Variants in NLRP5 observed in about 807,000 individuals in gnomAD.
NLRP5 encodes the protein NACHT, LRR and PYD domains-containing protein 5.
NLRP5 carries 93 observed loss-of-function variants against 113.1 expected under a neutral mutation model. The ratio of observed to expected loss-of-function variants is 0.82; its 90% CI spans 0.70 to 0.98. The LOEUF (loss-of-function observed/expected upper bound fraction) is 0.98. Among genes scored for constraint, NLRP5 ranks in the 50% least tolerant of loss-of-function variants. The pLI is 0.00. For missense variants in NLRP5, 1,808 were observed against 1,514.3 expected, an observed-to-expected ratio of 1.19 and a Z score of -3.22; for synonymous variants, 751 against 600.7, an observed-to-expected ratio of 1.25 and a Z score of -3.66.
At chr19:56,032,187 A>G (rs1347659088) in intron 7 of NLRP5, among the ~76,000 whole-genome samples, 2 of 152,108 alleles carry the variant, frequency 1.3e-5, no homozygotes, top group Non-Finnish European at 2.9e-5. Flanking sequence ...TCTATTAAAA[A>G]TGCAAAAATT....
At position 56,058,830 on chromosome 19, in the gene NLRP5, C is replaced by T. The variant is rs140288998; in HGVS notation, c.3470+420C>T. Among the ~76,000 whole-genome samples, 197 of 152,176 alleles carry T rather than the reference C, an allele frequency of 1.3e-3. 1 individual carries two copies. The highest frequency in any genetic ancestry group is 4.6e-3 in the African/African-American group (189 of 41,492). ...AAGAGGTGGAAGTAACCCAGGCGCT[C>T]GTGGATGAAAGGATAAGCAGAATGT... On this transcript the variant is annotated intron_variant, in intron 14 of 14. Coordinates refer to ENST00000390649, the MANE Select transcript of NLRP5 (RefSeq NM_153447.4).
intron 10 of NLRP5, among the ~76,000 whole-genome samples, chr19:56,039,787 G>A (rs557657112): frequency 4.6e-5 from 7 of 152,156 alleles, no homozygotes; most frequent in South Asian, 4.2e-4. Context: ...GGTGGCAGGC[G>A]CCTGCAATCC....
At chr19:56,014,912 A>G (rs1004223704) in intron 3 of NLRP5, among the ~76,000 whole-genome samples, 1 of 152,182 alleles carries the variant, frequency 6.6e-6, no homozygotes, top group Non-Finnish European at 1.5e-5. Flanking sequence ...GACTTTTAGT[A>G]TCAATCAGCT....
In NLRP5 at chr19:56,013,390, C is replaced by A. The variant is rs1242766898; in HGVS notation, c.509-2352C>A. 2.0e-5 allele frequency among the ~76,000 whole-genome samples: 3 copies of A among 151,858 alleles called. No homozygotes were observed. In the East Asian group the frequency reaches 5.8e-4, roughly 29 times the overall value. On this transcript the variant is annotated intron_variant, in intron 3 of 14. Coordinates refer to ENST00000390649, the MANE Select transcript of NLRP5 (RefSeq NM_153447.4). ...TGTATTTTCAGTAGAGACGGGGTTT[C>A]ACAGTGTTAGCCAAAATTGTCTCGA...
At chr19:56,000,757 C>G (rs934246304) in intron 1 of NLRP5, among the ~76,000 whole-genome samples, 5 of 151,824 alleles carry the variant, frequency 3.3e-5, no homozygotes, top group African/African-American at 1.2e-4. Flanking sequence ...CCTATAATCT[C>G]AGCACTTTGG....
At chr19:56,052,531 A>G (rs1351968969) in intron 12 of NLRP5, among the ~76,000 whole-genome samples, 2 of 152,132 alleles carry the variant, frequency 1.3e-5, no homozygotes, top group African/African-American at 4.8e-5. Context: ...TGGCCTCCCA[A>G]AGTGCTGGGA....
chr19:56,017,015 G>A (rs1982430718), intron 4 of NLRP5, among the ~76,000 whole-genome samples: 1 of 152,106 alleles, frequency 6.6e-6, no homozygotes, highest in South Asian at 2.1e-4. Flanking sequence ...CACCGTGTTA[G>A]GCAGGATGGT....
chr19:56,055,829 G>A (rs1201655901), intron 13 of NLRP5, among the ~76,000 whole-genome samples: 1 of 152,086 alleles, frequency 6.6e-6, no homozygotes, highest in Non-Finnish European at 1.5e-5. Flanking sequence ...ACAGGCATAA[G>A]CCACCGCGCC....
chr19:56,040,235 C>T (rs1261374836), intron 10 of NLRP5, among the ~76,000 whole-genome samples: 1 of 152,140 alleles, frequency 6.6e-6, no homozygotes, highest in African/African-American at 2.4e-5. Context: ...ACACAAACCA[C>T]GGTGCCCGCC....
intron 6 of NLRP5, among the ~76,000 whole-genome samples, chr19:56,022,775 A>G (rs550103754): frequency 6.6e-6 from 1 of 152,244 alleles, no homozygotes; most frequent in South Asian, 2.1e-4. Context: ...TCCAGGCTGG[A>G]GTGCAATGGC....
At chr19:56,020,022 A>G (rs1387895702) in intron 5 of NLRP5, among the ~76,000 whole-genome samples, 1 of 151,846 alleles carries the variant, frequency 6.6e-6, no homozygotes, top group Non-Finnish European at 1.5e-5. Context: ...TTTTTAGTAG[A>G]GATGGGGTTT....
chr19:56,005,354 TA>T (rs200369822), intron 2 of NLRP5, among the ~76,000 whole-genome samples: 7,511 of 135,918 alleles, frequency 0.055, 217 homozygotes, highest in African/African-American at 0.075. Context: ...CATACACATA[TA>T]TTTTTATATA....
chr19:56,051,464 AT>A (rs1347883685), intron 12 of NLRP5, among the ~76,000 whole-genome samples: 1 of 152,166 alleles, frequency 6.6e-6, no homozygotes. Context: ...AAGTGCTGGG[AT>A]TACAGGTGTG....
At chr19:56,048,966 ATTTT>A (rs57420626) in intron 11 of NLRP5, among the ~76,000 whole-genome samples, 34 of 108,298 alleles carry the variant, frequency 3.1e-4, no homozygotes, top group African/African-American at 1.2e-3. Flanking sequence ...TCAAGCTCTG[ATTTT>A]TTTTTTTAAT....
At position 56,005,504 on chromosome 19, in the gene NLRP5, G is replaced by GCAGGTGGCATGCCTGTA; in HGVS notation, c.442+1409_442+1410insCAGGTGGCATGCCTGTA. On this transcript the variant is annotated intron_variant, in intron 2 of 14. Coordinates refer to ENST00000390649, the MANE Select transcript of NLRP5 (RefSeq NM_153447.4). ...ACACACACACGCAGGTGGCATGCCT[G>GCAGGTGGCATGCCTGTA]TACACATATATATTTATACACACAC... Among the ~76,000 whole-genome samples the GCAGGTGGCATGCCTGTA allele has an allele frequency of 2.6e-5, 3 of 116,254 alleles. No individual in the cohort carries two copies. The East Asian group carries it at 6.2e-4, about 24-fold the overall frequency. The allele number at this position is 116,254 out of a possible 152,430, so 76.3% of individuals were successfully genotyped here. A position where few individuals can be genotyped will look rare whatever the true frequency, so the allele number is the denominator to read the frequency against.
intron 6 of NLRP5, among the ~76,000 whole-genome samples, chr19:56,021,712 T>G (rs1045834642): frequency 2.0e-5 from 3 of 152,216 alleles, no homozygotes; most frequent in African/African-American, 7.2e-5. Context: ...CTTCATCTGT[T>G]GTTCAGTTCA....
intron 11 of NLRP5, 73 bp from the exon 12 acceptor site, chr19:56,050,345 G>GAGC: frequency 1.4e-6 from 2 of 1,413,354 alleles, no homozygotes; most frequent in Non-Finnish European, 2.0e-6. Context: ...GCTGGGAGGA[G>GAGC]AGCAGCAGCT....
At chr19:55,999,575 A>G (rs1018201623), upstream of NLRP5, 13 of 653,712 alleles carry the variant, frequency 2.0e-5, no homozygotes, top group South Asian at 3.3e-5. Context: ...CAGGGTTCCC[A>G]TGCATGCTCT....
Position 56,027,010 on chromosome 19 carries a change from C to G in NLRP5, c.777C>G (p.Asp259Glu). The change falls in exon 7 of 15, where the codon GAC (aspartate) becomes GAG (glutamate). Residue 259 changes from aspartate (D) to glutamate (E), a missense_variant. By Grantham distance (45) the Asp-to-Glu change is conservative. Transcript: ENST00000390649. ...GTAGTTTTGAAAACACTGCTGCTGACTGGCCGGAAATGCAAACGTTGGCTG... is the reference window on the plus strand; with the variant it reads ...GTAGTTTTGAAAACACTGCTGCTGAGTGGCCGGAAATGCAAACGTTGGCTG... 6.4e-7 allele frequency: 1 copy of G among 1,551,972 alleles called. No individual in the cohort carries two copies. The highest frequency in any genetic ancestry group is 8.7e-7 in the Non-Finnish European group (1 of 1,147,110).
Sources: gnomAD v4.1 joint callset for allele counts (sites outside exome capture counted in the v4.1 genomes callset) on GRCh38, gnomAD v4.1.1 for gene constraint, MANE v1.5 for transcripts, NCBI Gene and HGNC (gene_info 2026-07-23, HGNC 2026-07-21) for gene names.